ANKH: variants seen among roughly 807,000 people sequenced by gnomAD.
ANKH encodes the protein ANKH inorganic pyrophosphate transport regulator.
ANKH carries 15 observed loss-of-function variants against 49.0 expected under a neutral mutation model. That is an observed-to-expected ratio of 0.31 (90% CI 0.20 to 0.47). The LOEUF is 0.47. Among genes scored for constraint, ANKH ranks in the 20% least tolerant of loss-of-function variants. ANKH has a pLI of 1.00. For missense variants in ANKH, 429 were observed against 652.0 expected (o/e 0.66, Z 3.72); for synonymous variants, 273 against 260.0 (o/e 1.05, Z -0.48).
chr5:14,771,552 A>G (rs914820190), intron 1 of ANKH, among the ~76,000 whole-genome samples: 11 of 152,198 alleles, frequency 7.2e-5, no homozygotes, highest in Non-Finnish European at 1.5e-5. Flanking sequence ...CCTCTTGAAC[A>G]TGGTGCCATC....
At chr5:14,822,894 C>T (rs1170882911) in intron 1 of ANKH, among the ~76,000 whole-genome samples, 1 of 152,102 alleles carries the variant, frequency 6.6e-6, no homozygotes, top group Non-Finnish European at 1.5e-5. Flanking sequence ...ATTAGCTGGG[C>T]GCAGTGGTGC....
At chr5:14,795,580 G>A (rs1354406226) in intron 1 of ANKH, among the ~76,000 whole-genome samples, 1 of 152,196 alleles carries the variant, frequency 6.6e-6, no homozygotes, top group Non-Finnish European at 1.5e-5. Context: ...TGGGTGTGGT[G>A]GCTCACGCCT....
intron 1 of ANKH, among the ~76,000 whole-genome samples, chr5:14,844,220 T>C (rs1043528412): frequency 6.6e-6 from 1 of 152,234 alleles, no homozygotes; most frequent in African/African-American, 2.4e-5. Flanking sequence ...GGGACAGTTC[T>C]GATGTCTTAT....
Position 14,737,986 on chromosome 5 carries a change from A to G in ANKH, c.1011+3841T>C, listed in dbSNP as rs943163649. Among the ~76,000 whole-genome samples, 1 of 152,210 alleles carries G rather than the reference A, an allele frequency of 6.6e-6. No homozygotes were observed. Among genetic ancestry groups the G allele is most frequent in the East Asian group, 1.9e-4 (1 of 5,190 alleles). On this transcript the variant is annotated intron_variant, in intron 8 of 11. Transcript: ENST00000284268. This position sits in a 1 kb window ranked among gnomAD's most constrained non-coding sequence, Gnocchi z 5.0. ...GCAGCTCTGAAGGACTGAAAGCAAGATGCTAACGGAAATGGCGAACATTTC... is the reference window on the plus strand; with the variant it reads ...GCAGCTCTGAAGGACTGAAAGCAAGGTGCTAACGGAAATGGCGAACATTTC...
chr5:14,758,241 A>G (rs1738964121), intron 3 of ANKH, among the ~76,000 whole-genome samples: 1 of 152,212 alleles, frequency 6.6e-6, no homozygotes. Flanking sequence ...AGAGTTACAA[A>G]GTAGAATGGA....
At chr5:14,870,787 G>GA (rs148679682) in intron 1 of ANKH, 3,550 of 142,834 alleles carry the variant, frequency 0.025, 142 homozygotes, top group African/African-American at 0.088. Context: ...AAGAAAGAAA[G>GA]AAAAAAAAAG....
At chr5:14,832,210 A>G (rs779282018) in intron 1 of ANKH, among the ~76,000 whole-genome samples, 19 of 152,230 alleles carry the variant, frequency 1.2e-4, no homozygotes, top group Non-Finnish European at 2.2e-4. Context: ...TATCTTTACA[A>G]AGTAGGACAT....
Position 14,805,416 on chromosome 5 carries a change from GTGTA to G in ANKH, c.97-36229_97-36226del, listed in dbSNP as rs1204874160. ...TATATACGTGTGTGTGTGTGTGTGT[GTGTA>G]TCCTATAAACATATATATGTGTGTG... On this transcript the variant is annotated intron_variant, in intron 1 of 11. Transcript: ENST00000284268. Among the ~76,000 whole-genome samples, 4 of 111,320 alleles carry G rather than the reference GTGTA, an allele frequency of 3.6e-5. No individual in the cohort carries two copies. In the Admixed American group the frequency reaches 3.8e-4, roughly 10 times the overall value. The allele number at this position is 111,320 out of a possible 152,430, so 73.0% of individuals were successfully genotyped here.
chr5:14,711,626 C>T (rs569759933), intron 11 of ANKH, among the ~76,000 whole-genome samples: 1 of 152,346 alleles, frequency 6.6e-6, no homozygotes, highest in Admixed American at 6.5e-5. Flanking sequence ...CCCGACTCCT[C>T]ACAGTCACCT....
intron 1 of ANKH, among the ~76,000 whole-genome samples, chr5:14,844,745 A>G (rs1211537643): frequency 6.6e-6 from 1 of 151,810 alleles, no homozygotes; most frequent in Non-Finnish European, 1.5e-5. Flanking sequence ...TTGGCAGCAC[A>G]CTCCTCAGAC....
intron 1 of ANKH, among the ~76,000 whole-genome samples, chr5:14,831,988 G>A (rs114888234): frequency 0.014 from 2,074 of 152,150 alleles, 43 homozygotes; most frequent in African/African-American, 0.047. Flanking sequence ...AAAATGTTCT[G>A]GCCCAGCAAA....
intron 2 of ANKH, among the ~76,000 whole-genome samples, chr5:14,762,206 T>C (rs1739108626): frequency 1.3e-5 from 2 of 152,258 alleles, no homozygotes. Flanking sequence ...TTCTTAAATA[T>C]AGCTACTTAT....
intron 1 of ANKH, among the ~76,000 whole-genome samples, chr5:14,837,750 T>C (rs1741696622): frequency 6.6e-6 from 1 of 152,160 alleles, no homozygotes; most frequent in Non-Finnish European, 1.5e-5. Context: ...GAAATACCAT[T>C]TGACCCAGCC....
intron 1 of ANKH, among the ~76,000 whole-genome samples, chr5:14,849,810 G>C (rs1247376116): frequency 2.0e-5 from 3 of 152,298 alleles, no homozygotes; most frequent in East Asian, 3.9e-4. Context: ...GGCAGACGCT[G>C]CTTGTCACGG....
chr5:14,745,832 A>G lies in ANKH; in HGVS notation c.915+38T>C. The stretch of plus-strand genomic sequence containing the variant: ...CCCTGTCTATCAAGAAGTCATTTCA[A>G]AAGCATGTTTCAGACACGACACCGC... On this transcript the variant is annotated intron_variant, in intron 7 of 11. Transcript: ENST00000284268. The surrounding 1 kb of genome is among the most constrained non-coding windows in gnomAD (Gnocchi z 4.7). The G allele has an allele frequency of 1.3e-6, 2 of 1,589,088 alleles. No homozygotes were observed. The highest frequency in any genetic ancestry group is 2.2e-5 in the East Asian group (1 of 44,764).
intron 8 of ANKH, among the ~76,000 whole-genome samples, chr5:14,718,729 G>C (rs1737565124): frequency 6.6e-6 from 1 of 151,464 alleles, no homozygotes; most frequent in African/African-American, 2.4e-5. Flanking sequence ...AGAATCGCTT[G>C]AACCCGGGAG....
intron 1 of ANKH, among the ~76,000 whole-genome samples, chr5:14,831,693 G>A (rs927341095): frequency 6.6e-6 from 1 of 152,126 alleles, no homozygotes; most frequent in African/African-American, 2.4e-5. Context: ...AGATTTACTT[G>A]ATCACAGGGT....
intron 4 of ANKH, among the ~76,000 whole-genome samples, chr5:14,753,531 G>A (rs1738786578): frequency 2.6e-5 from 4 of 152,166 alleles, no homozygotes; most frequent in South Asian, 2.1e-4. Context: ...GAGGGCTGAT[G>A]ATAGCAGAGG....
At chr5:14,863,323 T>G (rs1366995742) in intron 1 of ANKH, among the ~76,000 whole-genome samples, 1 of 152,198 alleles carries the variant, frequency 6.6e-6, no homozygotes, top group Non-Finnish European at 1.5e-5. Context: ...CTCCCACTGG[T>G]TGGTGCCAAT....
Sources: allele counts gnomAD v4.1 joint callset (sites outside exome capture counted in the v4.1 genomes callset), GRCh38; gene constraint gnomAD v4.1.1; non-coding constraint Gnocchi (gnomAD v3.1); transcripts MANE v1.5; gene names NCBI Gene and HGNC (gene_info 2026-07-23, HGNC 2026-07-21).